The following HS3ST2 variants were observed in gnomAD, a reference collection of about 807,000 sequenced individuals.
HS3ST2 encodes the protein heparan sulfate-glucosamine 3-sulfotransferase 2, also known as heparan sulfate glucosamine 3-O-sulfotransferase 2.
HS3ST2 carries 17 observed loss-of-function variants against 26.3 expected under a neutral mutation model. The observed-to-expected ratio is 0.65, with a 90% confidence interval of 0.44 to 0.97. The LOEUF is 0.97. Among genes scored for constraint, HS3ST2 ranks in the 50% least tolerant of loss-of-function variants. The pLI, the probability that HS3ST2 is intolerant of heterozygous loss-of-function variation, is 0.00. For synonymous variants in HS3ST2, 237 were observed against 219.2 expected (o/e 1.08, Z -0.72); for missense variants, 402 against 501.2 (o/e 0.80, Z 1.89).
At chr16:22,824,284 C>T (rs10083734) in intron 1 of HS3ST2, among the ~76,000 whole-genome samples, 2,022 of 152,256 alleles carry the variant, frequency 0.013, 35 homozygotes, top group African/African-American at 0.046. Context: ...CGTGGTGGCT[C>T]ATGCCTGTAA....
At chr16:22,904,936 C>A (rs745758493) in intron 1 of HS3ST2, among the ~76,000 whole-genome samples, 1 of 152,204 alleles carries the variant, frequency 6.6e-6, no homozygotes, top group African/African-American at 2.4e-5. Flanking sequence ...CGAGGATAAA[C>A]GGCCACAGGT....
At chr16:22,816,655 G>T (rs1183361999) in intron 1 of HS3ST2, among the ~76,000 whole-genome samples, 2 of 152,198 alleles carry the variant, frequency 1.3e-5, no homozygotes, top group Non-Finnish European at 2.9e-5. Context: ...ATAGCCCACT[G>T]TGCTTTCCAA....
rs778024952 is a variant in HS3ST2, at chr16:22,814,748, G to A, written c.138G>A (p.Arg46=). 1.9e-6 allele frequency: 3 copies of A among 1,607,946 alleles called. No homozygotes were observed. Among genetic ancestry groups the A allele is most frequent in the South Asian group, 2.2e-5 (2 of 90,428 alleles). ...SFLCCCDDLG[R]SRLLGAPRCL... ...TGTGCTGCTGCGACGACCTGGGTCG[G>A]AGCCGCCTCCTCGGCGCGCCTCGCT... Residue 46 remains arginine (R), a synonymous_variant, in exon 1 of 2, where the codon CGG becomes CGA. Transcript: ENST00000261374.
intron 1 of HS3ST2, among the ~76,000 whole-genome samples, chr16:22,899,030 G>A (rs1902247113): frequency 6.6e-6 from 1 of 152,186 alleles, no homozygotes; most frequent in African/African-American, 2.4e-5. Flanking sequence ...TGCAAGAAGT[G>A]GGGCAGGCTT....
At chr16:22,849,574 A>G (rs978061592) in intron 1 of HS3ST2, among the ~76,000 whole-genome samples, 4 of 152,218 alleles carry the variant, frequency 2.6e-5, no homozygotes, top group African/African-American at 7.2e-5. Flanking sequence ...ACAAGTATCA[A>G]TGTGCTCACT....
At chr16:22,839,729 C>A (rs554865036) in intron 1 of HS3ST2, among the ~76,000 whole-genome samples, 1 of 152,002 alleles carries the variant, frequency 6.6e-6, no homozygotes, top group Non-Finnish European at 1.5e-5. Flanking sequence ...GTCTTGGACG[C>A]GTCTTACCCT....
chr16:22,897,334 A>ACTT (rs1902224211), intron 1 of HS3ST2, among the ~76,000 whole-genome samples: 1 of 152,194 alleles, frequency 6.6e-6, no homozygotes, highest in Non-Finnish European at 1.5e-5. Context: ...TGACTTCAGC[A>ACTT]CTTAGCAAGA....
intron 1 of HS3ST2, among the ~76,000 whole-genome samples, chr16:22,829,113 G>A (rs903867778): frequency 2.0e-5 from 3 of 152,194 alleles, no homozygotes; most frequent in Admixed American, 1.3e-4. Flanking sequence ...CCAGGTGGCT[G>A]GTGCCAAGGG....
intron 1 of HS3ST2, among the ~76,000 whole-genome samples, chr16:22,864,795 C>T (rs759321062): frequency 1.3e-5 from 2 of 148,422 alleles, no homozygotes; most frequent in Non-Finnish European, 3.0e-5. Context: ...CCTGTAATCT[C>T]AGCACTTTGG....
intron 1 of HS3ST2, among the ~76,000 whole-genome samples, chr16:22,856,095 T>C (rs1901589884): frequency 6.6e-6 from 1 of 152,148 alleles, no homozygotes; most frequent in South Asian, 2.1e-4. Flanking sequence ...ACAGAAGAAT[T>C]CTCCACTTAA....
At position 22,862,418 on chromosome 16, in the gene HS3ST2, G is replaced by C. The variant is rs140773228; in HGVS notation, c.485+47323G>C. Among the ~76,000 whole-genome samples the C allele has an allele frequency of 3.4e-4, 51 of 152,182 alleles. No individual in the cohort carries two copies. In the East Asian group the frequency reaches 6.8e-3, roughly 20 times the overall value. On this transcript the variant is annotated intron_variant, in intron 1 of 1. Coordinates refer to ENST00000261374, the MANE Select transcript of HS3ST2 (RefSeq NM_006043.2). ...TTAAGGGCAAACTAACCAGGCACCT[G>C]TTATACTTGCAATCCCAGCTGTTCA...
intron 1 of HS3ST2, among the ~76,000 whole-genome samples, chr16:22,821,576 A>G (rs1374534330): frequency 2.0e-5 from 3 of 152,000 alleles, no homozygotes; most frequent in African/African-American, 7.2e-5. Flanking sequence ...CTCAGAACTG[A>G]TAAGTCACAC....
chr16:22,872,547 A>G (rs1029852529), intron 1 of HS3ST2, among the ~76,000 whole-genome samples: 6 of 152,208 alleles, frequency 3.9e-5, no homozygotes, highest in Non-Finnish European at 1.5e-5. Context: ...CTGCTTGTTA[A>G]TGATCAGCTG....
intron 1 of HS3ST2, among the ~76,000 whole-genome samples, chr16:22,851,297 T>A (rs1901515034): frequency 6.6e-6 from 1 of 152,250 alleles, no homozygotes; most frequent in Non-Finnish European, 1.5e-5. Context: ...ATAAACCACC[T>A]GCATTTTATG....
chr16:22,868,369 A>AACCTCCG (rs1901785676), intron 1 of HS3ST2, among the ~76,000 whole-genome samples: 1 of 143,014 alleles, frequency 7.0e-6, no homozygotes, highest in Non-Finnish European at 1.5e-5. Flanking sequence ...AGATCAGGCC[A>AACCTCCG]CTGCACTCCA....
At chr16:22,855,978 CAG>C (rs1901588275) in intron 1 of HS3ST2, among the ~76,000 whole-genome samples, 1 of 152,128 alleles carries the variant, frequency 6.6e-6, no homozygotes, top group African/African-American at 2.4e-5. Context: ...ACTTCTTGAG[CAG>C]AGATTTGGAT....
chr16:22,841,288 C>T (rs1043816945), intron 1 of HS3ST2, among the ~76,000 whole-genome samples: 8 of 152,128 alleles, frequency 5.3e-5, no homozygotes, highest in African/African-American at 1.9e-4. Flanking sequence ...GTCTCGAACT[C>T]CTGACCTCAT....
intron 1 of HS3ST2, among the ~76,000 whole-genome samples, chr16:22,896,275 T>G (rs1902209195): frequency 1.3e-5 from 2 of 152,238 alleles, no homozygotes; most frequent in African/African-American, 4.8e-5. Context: ...TCAAGGGATT[T>G]TTTGAAGAGC....
chr16:22,837,363 G>A (rs922516966), intron 1 of HS3ST2, among the ~76,000 whole-genome samples: 1 of 151,644 alleles, frequency 6.6e-6, no homozygotes, highest in Non-Finnish European at 1.5e-5. Flanking sequence ...TACTATATAG[G>A]AGTTTTCCAC....
Sources: gnomAD v4.1 joint callset for allele counts (sites outside exome capture counted in the v4.1 genomes callset) on GRCh38, gnomAD v4.1.1 for gene constraint, MANE v1.5 for transcripts, NCBI Gene and HGNC (gene_info 2026-07-23, HGNC 2026-07-21) for gene names.